The following DLC1 variants were observed in gnomAD, a reference collection of about 807,000 sequenced individuals.
DLC1 encodes rho GTPase-activating protein 7.
DLC1 carries 54 observed loss-of-function variants against 140.3 expected under a neutral mutation model. That is an observed-to-expected ratio of 0.38 (90% confidence interval 0.31 to 0.48). DLC1 has a LOEUF of 0.48. DLC1 is among the 20% of genes least tolerant of loss of function. The probability of loss-of-function intolerance (pLI) is 0.96; values close to 1 mark genes in which losing one functional copy is unlikely to be tolerated. For synonymous variants in DLC1, 986 were observed against 728.1 expected (o/e 1.35, Z -5.70); for missense variants, 2,536 against 1,907.0 (o/e 1.33, Z -6.14).
chr8:13,086,090 C>A lies in DLC1; in HGVS notation c.4467-159G>T, dbSNP rs1337478780. On this transcript the variant is annotated intron_variant, in intron 17 of 17. Coordinates refer to ENST00000276297, the MANE Select transcript of DLC1 (RefSeq NM_182643.3). ...CTACCATATTTGCTTTGCTTTAGAA[C>A]CACATTTTCTAAGGGAACCAAATTA... is the stretch of plus-strand genomic sequence containing the variant. The A allele has an allele frequency of 4.4e-6, 6 of 1,371,954 alleles. No homozygotes were observed. In the African/African-American group the frequency reaches 5.9e-5, roughly 13 times the overall value. The allele number at this position is 1,371,954 out of a possible 1,614,324, so 85.0% of individuals were successfully genotyped here.
chr8:13,185,947 C>A (rs1443596876), intron 5 of DLC1, among the ~76,000 whole-genome samples: 3 of 152,154 alleles, frequency 2.0e-5, no homozygotes, highest in Middle Eastern at 3.2e-3. Context: ...GTTGAAAATT[C>A]TTTTCTTTAA....
chr8:13,443,874 C>G (rs1563351283), intron 2 of DLC1, among the ~76,000 whole-genome samples: 1 of 152,102 alleles, frequency 6.6e-6, no homozygotes, highest in Non-Finnish European at 1.5e-5. Flanking sequence ...ACAAACGTCA[C>G]ATGTTTGGCG....
intron 2 of DLC1, among the ~76,000 whole-genome samples, chr8:13,414,664 A>C (rs949059121): frequency 6.6e-5 from 10 of 152,222 alleles, no homozygotes; most frequent in African/African-American, 2.4e-4. Context: ...ATTCAAAGAG[A>C]CTTCGTAAGT....
intron 4 of DLC1, among the ~76,000 whole-genome samples, chr8:13,355,908 C>A (rs1305981802): frequency 6.7e-6 from 1 of 149,568 alleles, no homozygotes; most frequent in South Asian, 2.2e-4. Flanking sequence ...CATGGTGAAA[C>A]CCCGTCTCTA....
chr8:13,143,858 G>GAGAC (rs1265182590), intron 5 of DLC1, among the ~76,000 whole-genome samples: 4 of 147,118 alleles, frequency 2.7e-5, no homozygotes, highest in African/African-American at 1.0e-4. Context: ...GAGAGACATA[G>GAGAC]ACATGCCAAG....
chr8:13,098,266 G>A (rs1818681039), intron 10 of DLC1, 133 bp downstream of exon 10: 1 of 1,168,692 alleles, frequency 8.6e-7, no homozygotes, highest in Non-Finnish European at 1.2e-6. Flanking sequence ...TGCAGAGAGT[G>A]ATTGCCATAG....
At chr8:13,589,901 C>G (rs1013759951) in intron 1 of DLC1, among the ~76,000 whole-genome samples, 8 of 151,696 alleles carry the variant, frequency 5.3e-5, no homozygotes, top group African/African-American at 1.7e-4. Flanking sequence ...AAAAAAAAGG[C>G]AAAGAAACTG....
At chr8:13,153,783 C>A (rs560599476) in intron 5 of DLC1, among the ~76,000 whole-genome samples, 1 of 150,142 alleles carries the variant, frequency 6.7e-6, no homozygotes, top group African/African-American at 2.5e-5. Flanking sequence ...GAATGCCGAT[C>A]GGTGCGTTTA....
intron 1 of DLC1, among the ~76,000 whole-genome samples, chr8:13,524,609 T>A (rs558273773): frequency 1.3e-5 from 2 of 152,290 alleles, no homozygotes; most frequent in African/African-American, 4.8e-5. Flanking sequence ...CAATGAAACA[T>A]GATACATCTG....
chr8:13,143,842 GAGAGAGAGAGACAT>G (rs1823214499), intron 5 of DLC1, among the ~76,000 whole-genome samples: 1 of 146,154 alleles, frequency 6.8e-6, no homozygotes. Flanking sequence ...GAGAGAGAGA[GAGAGAGAGAGACAT>G]AGACATGCCA....
At chr8:13,413,179 C>G (rs573431724) in intron 2 of DLC1, among the ~76,000 whole-genome samples, 1 of 151,190 alleles carries the variant, frequency 6.6e-6, no homozygotes, top group African/African-American at 2.4e-5. Context: ...TTTTCCAACC[C>G]GCAGCCCAGG....
intron 5 of DLC1, among the ~76,000 whole-genome samples, chr8:13,257,801 C>T (rs1041673719): frequency 1.3e-5 from 2 of 151,456 alleles, no homozygotes; most frequent in Non-Finnish European, 2.9e-5. Context: ...TCCTAACCAG[C>T]TGTCCTTGCT....
chr8:13,459,157 TA>T (rs1310434137), intron 2 of DLC1, among the ~76,000 whole-genome samples: 1 of 152,242 alleles, frequency 6.6e-6, no homozygotes, highest in African/African-American at 2.4e-5. Flanking sequence ...AGAGAACTGC[TA>T]AAAATTAGTT....
chr8:13,361,911 A>G (rs1835244487), intron 4 of DLC1, among the ~76,000 whole-genome samples: 1 of 152,212 alleles, frequency 6.6e-6, no homozygotes, highest in African/African-American at 2.4e-5. Context: ...AGTGATCTGA[A>G]TGCTAGGCCA....
chr8:13,428,022 C>A (rs1477182611), intron 2 of DLC1, among the ~76,000 whole-genome samples: 2 of 152,084 alleles, frequency 1.3e-5, no homozygotes, highest in Non-Finnish European at 2.9e-5. Context: ...GTGCAGGTGG[C>A]TTCGGGGAGC....
chr8:13,501,902 A>C (rs1801838418), intron 1 of DLC1, among the ~76,000 whole-genome samples: 1 of 152,206 alleles, frequency 6.6e-6, no homozygotes, highest in African/African-American at 2.4e-5. Context: ...TTCTGCTTTC[A>C]TGGGCACATT....
chr8:13,362,181 C>G (rs956838041), intron 4 of DLC1, among the ~76,000 whole-genome samples: 1 of 152,116 alleles, frequency 6.6e-6, no homozygotes, highest in Non-Finnish European at 1.5e-5. Flanking sequence ...GTCTGGGAAG[C>G]TGAAGACAAC....
intron 5 of DLC1, among the ~76,000 whole-genome samples, chr8:13,281,991 A>T (rs920661004): frequency 1.3e-5 from 2 of 152,168 alleles, no homozygotes; most frequent in Non-Finnish European, 2.9e-5. Flanking sequence ...GCTAATGAGG[A>T]TATAGACTAG....
chr8:13,245,573 C>A (rs1319044118), intron 5 of DLC1, among the ~76,000 whole-genome samples: 1 of 152,190 alleles, frequency 6.6e-6, no homozygotes, highest in Non-Finnish European at 1.5e-5. Context: ...TGAGCTACCT[C>A]CACCTGAATC....
Sources: allele counts gnomAD v4.1 joint callset (sites outside exome capture counted in the v4.1 genomes callset), GRCh38; gene constraint gnomAD v4.1.1; transcripts MANE v1.5; gene names NCBI Gene and HGNC (gene_info 2026-07-23, HGNC 2026-07-21).